The following CPVL variants were observed in gnomAD, a reference collection of about 807,000 sequenced individuals.
CPVL encodes the protein probable serine carboxypeptidase CPVL.
A neutral mutation model predicts 63.7 loss-of-function variants in CPVL; 51 were observed. That is an observed-to-expected ratio of 0.80 (90% CI 0.64 to 1.01). The LOEUF (loss-of-function observed/expected upper bound fraction) is 1.01, where lower values mean the gene tolerates loss of function less well. Among genes scored for constraint, CPVL ranks in the 50% least tolerant of loss-of-function variants. CPVL has a pLI of 0.00. For missense variants in CPVL, 530 were observed against 573.1 expected (o/e 0.92, Z 0.77); for synonymous variants, 195 against 206.0 (o/e 0.95, Z 0.46).
At chr7:29,191,203 A>G (rs1292698324) in intron 1 of CPVL, among the ~76,000 whole-genome samples, 3 of 152,184 alleles carry the variant, frequency 2.0e-5, no homozygotes, top group Admixed American at 6.5e-5. Context: ...AGTCACTGGG[A>G]TTATAGGCAT....
chr7:29,078,744 T>C (rs897487726), intron 7 of CPVL, among the ~76,000 whole-genome samples: 5 of 152,246 alleles, frequency 3.3e-5, no homozygotes, highest in African/African-American at 1.2e-4. Flanking sequence ...CCTCAGTACA[T>C]ATGTATCGAT....
At chr7:29,012,919 G>A (rs909542205) in intron 12 of CPVL, 6 of 152,178 alleles carry the variant, frequency 3.9e-5, no homozygotes, top group Admixed American at 1.3e-4. Context: ...GAGCAGGTGT[G>A]GAAATCTGTA....
chr7:29,157,767 G>A (rs1794613969), intron 5 of CPVL, among the ~76,000 whole-genome samples: 1 of 151,982 alleles, frequency 6.6e-6, no homozygotes, highest in East Asian at 1.9e-4. Context: ...TCATTTTTCT[G>A]CCAGAACAAA....
intron 12 of CPVL, among the ~76,000 whole-genome samples, chr7:29,026,691 T>C (rs1787525054): frequency 6.6e-6 from 1 of 151,992 alleles, no homozygotes; most frequent in Non-Finnish European, 1.5e-5. Context: ...ATACGAAGGA[T>C]CATCAGAGAC....
intron 12 of CPVL, chr7:29,010,691 T>C (rs1400316027): frequency 6.6e-6 from 1 of 152,212 alleles, no homozygotes; most frequent in Non-Finnish European, 1.5e-5. Flanking sequence ...AAGGACTCTA[T>C]GAACAGAGCA....
intron 5 of CPVL, among the ~76,000 whole-genome samples, chr7:29,093,634 A>C (rs1786086255): frequency 6.6e-6 from 1 of 152,236 alleles, no homozygotes; most frequent in African/African-American, 2.4e-5. Context: ...AAGAAACTGA[A>C]CTGCAAATTC....
intron 5 of CPVL, among the ~76,000 whole-genome samples, chr7:29,155,046 G>A (rs1794150358): frequency 6.6e-6 from 1 of 152,130 alleles, no homozygotes; most frequent in South Asian, 2.1e-4. Context: ...AAAACCATCA[G>A]ATCTCGTGAG....
intron 1 of CPVL, among the ~76,000 whole-genome samples, chr7:29,124,828 GA>G (rs1789824862): frequency 6.6e-6 from 1 of 151,780 alleles, no homozygotes; most frequent in Non-Finnish European, 1.5e-5. Flanking sequence ...TTTATACTCA[GA>G]AAAAAGGTAA....
intron 12 of CPVL, among the ~76,000 whole-genome samples, chr7:29,001,908 C>G (rs1226231721): frequency 6.6e-6 from 1 of 152,112 alleles, no homozygotes; most frequent in Non-Finnish European, 1.5e-5. Context: ...ATAGCATGTA[C>G]CAAACCAATC....
intron 12 of CPVL, among the ~76,000 whole-genome samples, chr7:29,014,242 G>A (rs1786161652): frequency 6.6e-6 from 1 of 152,152 alleles, no homozygotes; most frequent in Admixed American, 6.5e-5. Context: ...CGTGAAAGAG[G>A]ACATCCATCA....
chr7:29,159,620 C>A (rs948744852), intron 5 of CPVL, among the ~76,000 whole-genome samples: 1 of 152,078 alleles, frequency 6.6e-6, no homozygotes, highest in Admixed American at 6.5e-5. Flanking sequence ...CCTCCTTCCC[C>A]GCTTCGTGCA....
intron 12 of CPVL, among the ~76,000 whole-genome samples, chr7:29,002,083 A>G (rs1158960184): frequency 3.3e-5 from 5 of 152,228 alleles, no homozygotes; most frequent in Admixed American, 2.6e-4. Flanking sequence ...GAAATTCACC[A>G]ATTTTTAAGC....
intron 12 of CPVL, among the ~76,000 whole-genome samples, chr7:29,017,473 A>C (rs984253764): frequency 6.6e-6 from 1 of 152,160 alleles, no homozygotes. Context: ...ATCTCCACTA[A>C]AAATATAAAA....
intron 9 of CPVL, among the ~76,000 whole-genome samples, chr7:29,069,615 T>A (rs545563596): frequency 1.2e-4 from 18 of 152,094 alleles, no homozygotes; most frequent in Non-Finnish European, 2.1e-4. Context: ...CGATCCAGGA[T>A]TTTTACAGAA....
intron 7 of CPVL, among the ~76,000 whole-genome samples, chr7:29,085,249 G>T (rs1173805357): frequency 1.3e-5 from 2 of 152,182 alleles, no homozygotes; most frequent in Non-Finnish European, 2.9e-5. Context: ...GATGCTTCTG[G>T]AACACACCTT....
At chr7:29,124,805 T>A (rs1286830530) in intron 1 of CPVL, among the ~76,000 whole-genome samples, 2 of 152,080 alleles carry the variant, frequency 1.3e-5, no homozygotes, top group Admixed American at 1.3e-4. Context: ...ATTTCTAAAT[T>A]TTCTACAAAA....
intron 7 of CPVL, among the ~76,000 whole-genome samples, chr7:29,085,730 G>A (rs1258531758): frequency 6.6e-6 from 1 of 152,176 alleles, no homozygotes; most frequent in Non-Finnish European, 1.5e-5. Flanking sequence ...CCAACAGTGG[G>A]ACAAACTGAC....
chr7:28,996,596 A>T (rs974598438), intron 12 of CPVL, among the ~76,000 whole-genome samples: 15 of 152,066 alleles, frequency 9.9e-5, no homozygotes, highest in African/African-American at 3.1e-4. Context: ...GAAATGAAAG[A>T]AAGTCATGTT....
chr7:29,184,327 C>T (rs1283974807), intron 4 of CPVL: 2 of 151,514 alleles, frequency 1.3e-5, no homozygotes, highest in African/African-American at 2.4e-5. Context: ...ATATCTCATA[C>T]ATCTATGTAT....
Sources: allele counts gnomAD v4.1 joint callset (sites outside exome capture counted in the v4.1 genomes callset), GRCh38; gene constraint gnomAD v4.1.1; transcripts MANE v1.5; gene names NCBI Gene and HGNC (gene_info 2026-07-23, HGNC 2026-07-21).